The following DST variants were observed in gnomAD, a reference collection of about 807,000 sequenced individuals.
The protein encoded by DST is dystonin, also known as bullous pemphigoid antigen.
In DST, 253 loss-of-function variants were observed where a neutral mutation model predicts 875.2. The ratio of observed to expected loss-of-function variants is 0.29; its 90% CI spans 0.26 to 0.32. The LOEUF (loss-of-function observed/expected upper bound fraction) is 0.32. Ranked by LOEUF, DST falls within the 10% of genes least tolerant of loss-of-function variation. The pLI, the probability that DST is intolerant of heterozygous loss-of-function variation, is 1.00. For synonymous variants in DST, 3,124 were observed against 3,197.1 expected (o/e 0.98, Z 0.77); for missense variants, 8,287 against 9,111.6 (o/e 0.91, Z 3.68).
rs773436267 is a variant in DST, at chr6:56,607,356, C to A, written c.7272G>T (p.Arg2424Ser). Residue 2424 changes from arginine to serine, a missense_variant, in exon 40 of 104, where the codon AGG becomes AGT. By Grantham distance (110) the Arg-to-Ser change is moderately radical. Around this residue, in one of 10 missense-constraint regions of DST, gnomAD observed 3,138 missense variants for 3,116.6 expected, o/e 1.01. Transcript: ENST00000680361. ...GGGAATAGTCAAAGATAGGTGAATC[C>A]CTGTTTGTATTATCTTCATTCTCTG... ...NETENEDNTN[R>S]DSPIFDYSPR... The A allele has an allele frequency of 1.9e-6, 3 of 1,612,934 alleles. No individual in the cohort carries two copies. The highest frequency in any genetic ancestry group is 2.2e-5 in the South Asian group (2 of 91,038).
rs1389386690 is a variant in DST at position 56,514,574 on chromosome 6, CGT to C, written c.18576+874_18576+875del. ...TCCCTCCTTCTCTCTTGGGCACAGG[CGT>C]ATACACACACACACACACACACACA... On this transcript the variant is annotated intron_variant, in intron 72 of 103. Coordinates refer to ENST00000680361, the MANE Select transcript of DST (RefSeq NM_001374736.1). Among the ~76,000 whole-genome samples the C allele has an allele frequency of 6.0e-5, 7 of 116,040 alleles. No homozygotes were observed. The Admixed American group carries it at 6.7e-4, about 11-fold the overall frequency. The allele number at this position is 116,040 out of a possible 152,430, so 76.1% of individuals were successfully genotyped here. A position where few individuals can be genotyped will look rare whatever the true frequency, so the allele number is the denominator to read the frequency against.
intron 61 of DST, among the ~76,000 whole-genome samples, chr6:56,550,188 T>G (rs1262538708): frequency 1.3e-5 from 2 of 152,202 alleles, no homozygotes; most frequent in African/African-American, 4.8e-5. Flanking sequence ...CTTGTCCTTT[T>G]TTTACCTATG....
intron 4 of DST, among the ~76,000 whole-genome samples, chr6:56,817,541 T>C (rs1476742098): frequency 1.3e-5 from 2 of 152,222 alleles, no homozygotes; most frequent in African/African-American, 4.8e-5. Context: ...CAAAACTCTA[T>C]GGCAAAATAT....
At chr6:56,564,003 G>T (rs1372309839) in intron 55 of DST, among the ~76,000 whole-genome samples, 1 of 152,142 alleles carries the variant, frequency 6.6e-6, no homozygotes, top group Non-Finnish European at 1.5e-5. Flanking sequence ...TTGAAGTCAG[G>T]TAGCATGATG....
rs1824368458 is a variant in DST, at chr6:56,954,813, G to A, written c.-226C>T. Among the ~76,000 whole-genome samples, 1 of 149,782 alleles carries A rather than the reference G, an allele frequency of 6.7e-6. No individual in the cohort carries two copies. The highest frequency in any genetic ancestry group is 2.4e-5 in the African/African-American group (1 of 41,212). ...AGCGCTTGCCATGACTCAGCAGACA[G>A]CGACGAGGCTGCGACTCGGCGGCTG... On this transcript the variant is annotated 5_prime_UTR_variant, in exon 1 of 104. Coordinates refer to ENST00000680361, the MANE Select transcript of DST (RefSeq NM_001374736.1).
chr6:56,702,579 C>T (rs1462680207), intron 7 of DST, among the ~76,000 whole-genome samples: 1 of 152,122 alleles, frequency 6.6e-6, no homozygotes, highest in African/African-American at 2.4e-5. Flanking sequence ...CAAAAGTGGA[C>T]ACTACGATAA....
At chr6:56,884,875 C>T (rs375951939) in intron 3 of DST, among the ~76,000 whole-genome samples, 3 of 152,224 alleles carry the variant, frequency 2.0e-5, no homozygotes, top group African/African-American at 4.8e-5. Context: ...ACTACAGGCA[C>T]GTGCCACCAC....
At chr6:56,888,932 C>T (rs13215865) in intron 3 of DST, among the ~76,000 whole-genome samples, 21,457 of 152,158 alleles carry the variant, frequency 0.14, 1,971 homozygotes, top group Middle Eastern at 0.24. Context: ...ACATCTGGGA[C>T]TTCATTTCCT....
intron 9 of DST, among the ~76,000 whole-genome samples, chr6:56,681,347 G>A (rs1469124833): frequency 6.6e-6 from 1 of 152,056 alleles, no homozygotes; most frequent in Non-Finnish European, 1.5e-5. Flanking sequence ...AACACTCCTT[G>A]TGCTCCAGCC....
At chr6:56,621,939 G>A (rs535302974) in intron 36 of DST, among the ~76,000 whole-genome samples, 2 of 152,230 alleles carry the variant, frequency 1.3e-5, no homozygotes, top group South Asian at 4.1e-4. Flanking sequence ...AATTTCAGTT[G>A]TTTTCTTTGC....
chr6:56,569,119 G>A (rs756788456), intron 54 of DST, among the ~76,000 whole-genome samples: 4 of 151,930 alleles, frequency 2.6e-5, no homozygotes, highest in Non-Finnish European at 5.9e-5. Context: ...TCAGGAGATC[G>A]AGACCATCCT....
In DST at chr6:56,466,098, A is replaced by C; in HGVS notation, c.22667T>G (p.Val7556Gly). Residue 7556 changes from valine (V) to glycine (G), a missense_variant, in exon 99 of 104, where the codon GTG (valine) becomes GGG (glycine). Val to Gly is a moderately radical substitution (Grantham distance 109). Coordinates refer to ENST00000680361, the MANE Select transcript of DST (RefSeq NM_001374736.1). The part of the protein sequence containing the change: ...GGWMALDEFL[V>G]KNDPCRVHHH... Reference sequence around the variant, plus strand: ...CTTACCCCTGCAAGGATCATTTTTCACTAAGAACTCATCAAGTGCCATCCA... The same window carrying C: ...CTTACCCCTGCAAGGATCATTTTTCCCTAAGAACTCATCAAGTGCCATCCA... 1 of 1,612,914 alleles carries C rather than the reference A, an allele frequency of 6.2e-7. No individual in the cohort carries two copies. Among genetic ancestry groups the C allele is most frequent in the Non-Finnish European group, 8.5e-7 (1 of 1,179,352 alleles).
At chr6:56,923,516 T>C (rs1050898789) in intron 2 of DST, among the ~76,000 whole-genome samples, 1 of 146,732 alleles carries the variant, frequency 6.8e-6, no homozygotes, top group Non-Finnish European at 1.5e-5. Flanking sequence ...TTAGTCTGAG[T>C]TCCCCAGAGA....
chr6:56,620,457 C>T lies in DST; in HGVS notation c.4929+4073G>A, dbSNP rs780135571. ...TCAAGTTCCCTGCGGTACTGCTTGG[C>T]TTCACTTTCAGCCCTTATCTTCTGC... On this transcript the variant is annotated intron_variant, in intron 36 of 103. Transcript: ENST00000680361. 12 of 1,614,158 alleles carry T rather than the reference C, an allele frequency of 7.4e-6. 1 individual carries two copies. In the South Asian group the frequency reaches 1.2e-4, roughly 16 times the overall value.
At chr6:56,705,031 C>T (rs545676241) in intron 5 of DST, among the ~76,000 whole-genome samples, 13 of 152,240 alleles carry the variant, frequency 8.5e-5, no homozygotes, top group African/African-American at 2.6e-4. Context: ...TAGCTTTCCC[C>T]GTTCCACAGG....
At chr6:56,687,468 T>C (rs541922452) in intron 9 of DST, among the ~76,000 whole-genome samples, 4 of 152,306 alleles carry the variant, frequency 2.6e-5, no homozygotes, top group Non-Finnish European at 5.9e-5. Context: ...GGCCTCAGTT[T>C]CTTCTTTTGT....
In DST at chr6:56,505,079, A is replaced by G. The variant is rs1186544000; in HGVS notation, c.19465-981T>C. ...TTTAAGTTATCATTAGCCAACCCTG[A>G]CTAAGTACTTAAGCAGCAACCTGGG... On this transcript the variant is annotated intron_variant, in intron 77 of 103. Coordinates refer to ENST00000680361, the MANE Select transcript of DST (RefSeq NM_001374736.1). Among the ~76,000 whole-genome samples, 9 of 152,302 alleles carry G rather than the reference A, an allele frequency of 5.9e-5. 1 individual carries two copies. Among genetic ancestry groups the G allele is most frequent in the African/African-American group, 2.2e-4 (9 of 41,564 alleles).
intron 9 of DST, among the ~76,000 whole-genome samples, chr6:56,674,093 A>C (rs1235417087): frequency 1.3e-5 from 2 of 152,220 alleles, no homozygotes; most frequent in African/African-American, 4.8e-5. Flanking sequence ...GAACAGCCTG[A>C]ATCTTCCACC....
chr6:56,854,966 CAA>C (rs1767105151), intron 3 of DST, among the ~76,000 whole-genome samples: 1 of 152,144 alleles, frequency 6.6e-6, no homozygotes, highest in Admixed American at 6.5e-5. Flanking sequence ...ATGCTGAAAA[CAA>C]GAGATACATG....
Sources: gnomAD v4.1 joint callset for allele counts (sites outside exome capture counted in the v4.1 genomes callset) on GRCh38, gnomAD v4.1.1 for gene constraint, gnomAD v4.1.1 regional missense constraint, MANE v1.5 for transcripts, NCBI Gene and HGNC (gene_info 2026-07-23, HGNC 2026-07-21) for gene names.